UBE3C: variants seen among roughly 807,000 people sequenced by gnomAD.
UBE3C encodes the protein ubiquitin protein ligase E3C.
Under a neutral mutation model 129.4 loss-of-function variants are expected in UBE3C, and 42 were observed. That is an observed-to-expected ratio of 0.32 (90% CI 0.25 to 0.42). UBE3C has a LOEUF of 0.42. Among genes scored for constraint, UBE3C ranks in the 10% least tolerant of loss-of-function variants. UBE3C has a pLI of 1.00. For synonymous variants in UBE3C, 510 were observed against 492.4 expected (o/e 1.04, Z -0.47); for missense variants, 1,049 against 1,319.1 (o/e 0.80, Z 3.17).
chr7:157,190,188 CTTTAG>C (rs886560378), intron 10 of UBE3C, among the ~76,000 whole-genome samples: 8 of 152,178 alleles, frequency 5.3e-5, no homozygotes, highest in Non-Finnish European at 8.8e-5. Context: ...ACATTTGTGT[CTTTAG>C]TTTAAGTAAC....
chr7:157,169,710 C>A (rs1024906899), intron 3 of UBE3C, among the ~76,000 whole-genome samples: 4 of 152,030 alleles, frequency 2.6e-5, no homozygotes, highest in Admixed American at 2.6e-4. Context: ...TTGAGAGAGT[C>A]TTGCTCTGTC....
At chr7:157,254,678 C>T (rs1337935407) in intron 21 of UBE3C, among the ~76,000 whole-genome samples, 3 of 151,904 alleles carry the variant, frequency 2.0e-5, no homozygotes, top group African/African-American at 4.8e-5. Flanking sequence ...GGATTATGGG[C>T]GTGAGCCACC....
At chr7:157,176,004 G>A (rs1289765985) in intron 5 of UBE3C, among the ~76,000 whole-genome samples, 5 of 152,082 alleles carry the variant, frequency 3.3e-5, no homozygotes, top group South Asian at 4.1e-4. Flanking sequence ...CTCAACAGCC[G>A]TACAAAAAAC....
chr7:157,215,731 T>C (rs1387615245), intron 13 of UBE3C, among the ~76,000 whole-genome samples: 1 of 152,034 alleles, frequency 6.6e-6, no homozygotes, highest in East Asian at 1.9e-4. Context: ...AGTAGTTATA[T>C]GATCCAATCC....
At chr7:157,197,199 T>C (rs370448076) in intron 10 of UBE3C, among the ~76,000 whole-genome samples, 3 of 152,366 alleles carry the variant, frequency 2.0e-5, no homozygotes, top group African/African-American at 4.8e-5. Context: ...TTTCAACTTA[T>C]TTGATCAAAA....
intron 10 of UBE3C, 52 bp from the exon 11 acceptor site, chr7:157,201,669 T>A: frequency 2.3e-6 from 2 of 868,404 alleles, no homozygotes; most frequent in Non-Finnish European, 3.4e-6. Flanking sequence ...AAGAAATGTT[T>A]TGAATAAGTA....
At chr7:157,238,127 A>C (rs1796199979) in intron 18 of UBE3C, among the ~76,000 whole-genome samples, 1 of 152,234 alleles carries the variant, frequency 6.6e-6, no homozygotes, top group Non-Finnish European at 1.5e-5. Context: ...AGATTTAGCA[A>C]ATGTAACTTT....
intron 22 of UBE3C, among the ~76,000 whole-genome samples, chr7:157,261,025 A>G (rs762519781): frequency 1.3e-5 from 2 of 152,068 alleles, no homozygotes; most frequent in African/African-American, 2.4e-5. Flanking sequence ...TAGACTGGCC[A>G]GGTGCGGTGG....
At chr7:157,251,522 C>T (rs1796619784) in intron 19 of UBE3C, among the ~76,000 whole-genome samples, 1 of 152,082 alleles carries the variant, frequency 6.6e-6, no homozygotes, top group East Asian at 1.9e-4. Flanking sequence ...GTCACAAGAC[C>T]CCTTCCTCAT....
At chr7:157,139,400 G>GGGACTCGGGGCTGGGACTCGGGGTT in intron 1 of UBE3C, 62 bp downstream of exon 1, 3 of 1,186,292 alleles carry the variant, frequency 2.5e-6, no homozygotes, top group Non-Finnish European at 3.4e-6. Context: ...GCTCGGGGCT[G>GGGACTCGGGGCTGGGACTCGGGGTT]GGACTCGGGG....
chr7:157,182,310 G>A lies in UBE3C; in HGVS notation c.973G>A (p.Val325Ile), dbSNP rs1384127454. The A allele has an allele frequency of 1.2e-6, 2 of 1,613,130 alleles. No individual in the cohort carries two copies. Among genetic ancestry groups the A allele is most frequent in the Non-Finnish European group, 1.7e-6 (2 of 1,179,838 alleles). The change falls in exon 8 of 23, where the codon GTT (valine) becomes ATT (isoleucine). Residue 325 changes from valine to isoleucine, a missense_variant. Physicochemically the swap from Val to Ile is conservative, Grantham distance 29 (BLOSUM62 3). Transcript: ENST00000348165. ...CTGGCTTTTCTATTTCGTTTTAACT[G>A]TTGGCGAAAATTATTTGGGTATGAA... ...APWLFYFVLT[V>I]GENYLGALSE... is the part of the protein sequence containing the mutation.
chr7:157,220,636 C>A, intron 14 of UBE3C, 53 bp from the exon 15 acceptor site: 1 of 1,606,638 alleles, frequency 6.2e-7, no homozygotes, highest in South Asian at 1.1e-5. Context: ...GTGATCAGGT[C>A]AAAGTGTGTG....
intron 18 of UBE3C, among the ~76,000 whole-genome samples, chr7:157,245,653 A>G (rs1796452600): frequency 6.6e-6 from 1 of 152,214 alleles, no homozygotes; most frequent in Non-Finnish European, 1.5e-5. Flanking sequence ...TCAGAAATAA[A>G]AGCACAAGGA....
intron 9 of UBE3C, among the ~76,000 whole-genome samples, chr7:157,186,107 T>C (rs1400875797): frequency 1.3e-5 from 2 of 152,084 alleles, no homozygotes; most frequent in Non-Finnish European, 2.9e-5. Context: ...TAAAATAGAT[T>C]TGTGTAGCCT....
intron 18 of UBE3C, among the ~76,000 whole-genome samples, chr7:157,247,409 T>C (rs1160670635): frequency 6.6e-6 from 1 of 152,186 alleles, no homozygotes; most frequent in Non-Finnish European, 1.5e-5. Context: ...AGAAAACTTT[T>C]GGCCGGGCAG....
intron 9 of UBE3C, among the ~76,000 whole-genome samples, chr7:157,186,097 T>C (rs1808797428): frequency 6.6e-6 from 1 of 152,178 alleles, no homozygotes; most frequent in African/African-American, 2.4e-5. Context: ...GATTAAGGTA[T>C]AAAATAGATT....
chr7:157,257,104 A>T (rs1796771666), intron 22 of UBE3C, 60 bp downstream of exon 22: 4 of 1,604,734 alleles, frequency 2.5e-6, no homozygotes, highest in Non-Finnish European at 3.4e-6. Flanking sequence ...AGGCAGCAGA[A>T]CATTCAGTAG....
chr7:157,171,278 C>T (rs933150572), intron 4 of UBE3C, among the ~76,000 whole-genome samples: 4 of 151,960 alleles, frequency 2.6e-5, no homozygotes, highest in African/African-American at 4.8e-5. Context: ...AGGCGTGTTA[C>T]CAACATGCCT....
chr7:157,210,725 A>T (rs1015853197), intron 13 of UBE3C, among the ~76,000 whole-genome samples: 1 of 152,224 alleles, frequency 6.6e-6, no homozygotes, highest in Non-Finnish European at 1.5e-5. Context: ...CGTTTAGCCC[A>T]TGATCTCCTG....
Sources: gnomAD v4.1 joint callset for allele counts (sites outside exome capture counted in the v4.1 genomes callset) on GRCh38, gnomAD v4.1.1 for gene constraint, MANE v1.5 for transcripts, NCBI Gene and HGNC (gene_info 2026-07-23, HGNC 2026-07-21) for gene names.